Variants in ZRANB3 observed in about 807,000 individuals in gnomAD.
ZRANB3 encodes zinc finger RANBP2-type containing 3.
Under a neutral mutation model 133.8 loss-of-function variants are expected in ZRANB3, and 125 were observed. The ratio of observed to expected loss-of-function variants is 0.93; its 90% confidence interval spans 0.81 to 1.08. ZRANB3 has a LOEUF of 1.08. Among genes scored for constraint, ZRANB3 ranks in the 50% least tolerant of loss-of-function variants. The pLI is 0.00. For missense variants in ZRANB3, 1,229 were observed against 1,275.5 expected (o/e 0.96, Z 0.56); for synonymous variants, 387 against 432.7 (o/e 0.89, Z 1.31).
At chr2:135,301,188 T>TA (rs1438161825) in intron 8 of ZRANB3, among the ~76,000 whole-genome samples, 32 of 150,512 alleles carry the variant, frequency 2.1e-4, no homozygotes, top group African/African-American at 7.5e-4. Context: ...TATGTTTATT[T>TA]TTTTTTTTTT....
intron 7 of ZRANB3, among the ~76,000 whole-genome samples, chr2:135,314,609 G>A (rs4954236): frequency 0.27 from 40,657 of 152,010 alleles, 9,134 homozygotes; most frequent in African/African-American, 0.6. Flanking sequence ...TTACAACATG[G>A]TCACAGAGTT....
intron 2 of ZRANB3, among the ~76,000 whole-genome samples, chr2:135,450,520 T>C (rs1690221740): frequency 6.6e-6 from 1 of 152,086 alleles, no homozygotes. Flanking sequence ...CTGAAGCAAT[T>C]GAGCTTCAGA....
In ZRANB3 at chr2:135,271,697, G is replaced by C. The variant is rs142382011; in HGVS notation, c.1206+71C>G. On this transcript the variant is annotated intron_variant, in intron 10 of 20. Transcript: ENST00000264159. The stretch of plus-strand genomic sequence containing the variant: ...CAAAGTTACAAGTTTATAAACCAAA[G>C]TTATAGTGAATGGCCTTTTTTCTTA... 2.0e-6 allele frequency: 3 copies of C among 1,512,604 alleles called. No homozygotes were observed. The East Asian group carries it at 7.1e-5, about 36-fold the overall frequency. The allele number at this position is 1,512,604 out of a possible 1,614,324, so 93.7% of individuals were successfully genotyped here.
chr2:135,278,150 A>G (rs888817600), intron 8 of ZRANB3, among the ~76,000 whole-genome samples: 43 of 152,178 alleles, frequency 2.8e-4, no homozygotes, highest in African/African-American at 8.4e-4. Context: ...CATTGAATGA[A>G]AATAGACCCA....
At chr2:135,393,857 G>A (rs941662697) in intron 2 of ZRANB3, among the ~76,000 whole-genome samples, 1 of 151,968 alleles carries the variant, frequency 6.6e-6, no homozygotes, top group African/African-American at 2.4e-5. Context: ...AGCAGCAGAA[G>A]TTATTAACCT....
chr2:135,412,908 A>C (rs1043336533), intron 2 of ZRANB3, among the ~76,000 whole-genome samples: 1 of 152,160 alleles, frequency 6.6e-6, no homozygotes, highest in African/African-American at 2.4e-5. Context: ...TTAAAAATTC[A>C]TTAGGTTTTT....
At chr2:135,525,848 CAAAAAAAAA>C (rs557386914) in intron 1 of ZRANB3, among the ~76,000 whole-genome samples, 2 of 67,062 alleles carry the variant, frequency 3.0e-5, no homozygotes, top group African/African-American at 4.5e-5. Context: ...AACTCTGTCT[CAAAAAAAAA>C]AAAAAAAAAA....
intron 1 of ZRANB3, among the ~76,000 whole-genome samples, chr2:135,525,867 A>C (rs980384128): frequency 4.0e-5 from 6 of 150,448 alleles, no homozygotes; most frequent in Admixed American, 3.3e-4. Flanking sequence ...AAAAAAAAAA[A>C]GGAAATCCTA....
chr2:135,460,884 C>T (rs1474397845), intron 2 of ZRANB3, among the ~76,000 whole-genome samples: 1 of 152,032 alleles, frequency 6.6e-6, no homozygotes, highest in African/African-American at 2.4e-5. Context: ...TAGAGCTGTG[C>T]TGTTCAATAT....
intron 12 of ZRANB3, among the ~76,000 whole-genome samples, chr2:135,251,383 G>C (rs1000602137): frequency 6.6e-6 from 1 of 152,120 alleles, no homozygotes; most frequent in East Asian, 1.9e-4. Context: ...AGATGTTGGG[G>C]GACTTTTGGG....
intron 3 of ZRANB3, among the ~76,000 whole-genome samples, chr2:135,386,040 T>G (rs1686955742): frequency 6.6e-6 from 1 of 152,032 alleles, no homozygotes; most frequent in South Asian, 2.1e-4. Flanking sequence ...GAAACTACCA[T>G]CAGAGTGAAC....
chr2:135,209,153 A>C (rs1180894575), intron 17 of ZRANB3, among the ~76,000 whole-genome samples, 175 bp from the exon 18 acceptor site: 1 of 152,232 alleles, frequency 6.6e-6, no homozygotes, highest in African/African-American at 2.4e-5. Context: ...GGTGTCCATT[A>C]TGTGAGAAAT....
chr2:135,301,991 A>G (rs541248579), intron 8 of ZRANB3, among the ~76,000 whole-genome samples: 10 of 152,358 alleles, frequency 6.6e-5, no homozygotes, highest in African/African-American at 2.4e-4. Flanking sequence ...CAACACTGGT[A>G]TACATACAAT....
In ZRANB3 at chr2:135,207,500, A is replaced by G; in HGVS notation, c.2943T>C (p.Asp981=). The change falls in exon 19 of 21, where the codon GAT becomes GAC. Residue 981 remains aspartate (D), a synonymous_variant. Transcript: ENST00000264159. ...GATTCTTCCTCTGACTTTTAGGGGCATCTCTCAGACGTAAAAAGAGTTCTT... is the reference window on the plus strand; with the variant it reads ...GATTCTTCCTCTGACTTTTAGGGGCGTCTCTCAGACGTAAAAAGAGTTCTT... ...NAQELFLRLR[D]APKSQRKNLL... 1 of 1,614,040 alleles carries G rather than the reference A, an allele frequency of 6.2e-7. No individual in the cohort carries two copies. The highest frequency in any genetic ancestry group is 8.5e-7 in the Non-Finnish European group (1 of 1,179,894).
intron 2 of ZRANB3, among the ~76,000 whole-genome samples, chr2:135,473,531 T>C (rs951854111): frequency 4.0e-5 from 6 of 148,642 alleles, no homozygotes; most frequent in East Asian, 2.0e-4. Flanking sequence ...TGTCTCAAGA[T>C]AGCTAGTAAT....
intron 8 of ZRANB3, among the ~76,000 whole-genome samples, chr2:135,305,782 C>T (rs913454765): frequency 1.3e-5 from 2 of 152,154 alleles, no homozygotes; most frequent in East Asian, 3.9e-4. Context: ...ATGATAAATT[C>T]CTTCAGTTTT....
At chr2:135,343,580 T>C (rs1181903479) in intron 6 of ZRANB3, among the ~76,000 whole-genome samples, 1 of 149,548 alleles carries the variant, frequency 6.7e-6, no homozygotes, top group Non-Finnish European at 1.5e-5. Context: ...GTGGTGTTAT[T>C]TAAAGGAATT....
chr2:135,220,653 C>T (rs1694505207), intron 15 of ZRANB3, among the ~76,000 whole-genome samples: 1 of 147,344 alleles, frequency 6.8e-6, no homozygotes. Context: ...AGCCTAGATC[C>T]CGCCACTGCA....
At chr2:135,451,703 G>A (rs1014686794) in intron 2 of ZRANB3, among the ~76,000 whole-genome samples, 1 of 151,986 alleles carries the variant, frequency 6.6e-6, no homozygotes, top group African/African-American at 2.4e-5. Context: ...CAATGAGGAG[G>A]AAAACCAATC....
Sources: allele counts gnomAD v4.1 joint callset (sites outside exome capture counted in the v4.1 genomes callset), GRCh38; gene constraint gnomAD v4.1.1; transcripts MANE v1.5; gene names NCBI Gene and HGNC (gene_info 2026-07-23, HGNC 2026-07-21).